Variants in ANXA8 observed in about 807,000 individuals in gnomAD.
ANXA8 encodes annexin A8, also known as VAC-beta.
A neutral mutation model predicts 26.8 loss-of-function variants in ANXA8; 9 were observed. The observed-to-expected ratio is 0.34, with a 90% CI of 0.20 to 0.59. ANXA8 has a LOEUF of 0.59. Among genes scored for constraint, ANXA8 ranks in the 20% least tolerant of loss-of-function variants. ANXA8 has a pLI of 0.84. For missense variants in ANXA8, 83 were observed against 238.5 expected (o/e 0.35, Z 4.29); for synonymous variants, 39 against 94.8 (o/e 0.41, Z 3.42).
the ANXA8 span, among the ~76,000 whole-genome samples, chr10:47,935,773 CAAG>C: frequency 7.4e-6 from 1 of 135,094 alleles, no homozygotes; most frequent in Non-Finnish European, 1.6e-5. Flanking sequence ...TCTGGAAGGC[CAAG>C]AAGGACTTCC....
the ANXA8 span, among the ~76,000 whole-genome samples, chr10:47,680,219 A>T: frequency 1.1e-4 from 16 of 151,914 alleles, no homozygotes; most frequent in Admixed American, 7.2e-4. Flanking sequence ...GTTCTATTGC[A>T]CAGTGGGGTG....
the ANXA8 span, among the ~76,000 whole-genome samples, chr10:47,707,574 A>G: frequency 1.4e-5 from 2 of 139,362 alleles, no homozygotes; most frequent in Non-Finnish European, 3.2e-5. Context: ...TTTTGTAGAG[A>G]CCAGGTTTTG....
At chr10:47,733,147 T>TTC in the ANXA8 span, among the ~76,000 whole-genome samples, 194 of 51,612 alleles carry the variant, frequency 3.8e-3, 2 homozygotes, top group African/African-American at 0.011. Context: ...TCCCTAATCT[T>TTC]TCTTTCTTTC....
the ANXA8 span, among the ~76,000 whole-genome samples, chr10:47,686,390 C>T: frequency 7.9e-5 from 12 of 151,584 alleles, 1 homozygote; most frequent in African/African-American, 1.2e-4. Flanking sequence ...GGCTAATTTT[C>T]GTATTTTTAT....
the ANXA8 span, among the ~76,000 whole-genome samples, chr10:47,509,201 T>C: frequency 7.9e-6 from 1 of 126,190 alleles, no homozygotes; most frequent in African/African-American, 3.4e-5. Context: ...TCAAAATCTT[T>C]GGAACTCAGA....
the ANXA8 span, among the ~76,000 whole-genome samples, chr10:47,656,019 T>G: frequency 1.3e-5 from 2 of 151,770 alleles, no homozygotes; most frequent in African/African-American, 4.9e-5. Flanking sequence ...AAACTCAGTC[T>G]CAAACAAAAA....
chr10:47,687,573 C>A, the ANXA8 span, among the ~76,000 whole-genome samples: 1 of 151,974 alleles, frequency 6.6e-6, no homozygotes, highest in Middle Eastern at 3.4e-3. Flanking sequence ...CCCCAACCAA[C>A]ATTTCAAGAT....
chr10:47,625,924 A>C, the ANXA8 span, among the ~76,000 whole-genome samples: 29 of 150,876 alleles, frequency 1.9e-4, no homozygotes, highest in Admixed American at 1.8e-3. Context: ...GTCTGTTTCT[A>C]TGAGTTTTAC....
At chr10:47,976,334 AG>A in the ANXA8 span, among the ~76,000 whole-genome samples, 3 of 151,038 alleles carry the variant, frequency 2.0e-5, no homozygotes, top group African/African-American at 7.3e-5. Context: ...GCTGAATCTC[AG>A]TAAGAATAGC....
chr10:47,557,815 T>G, the ANXA8 span, among the ~76,000 whole-genome samples: 2 of 150,780 alleles, frequency 1.3e-5, no homozygotes, highest in African/African-American at 4.9e-5. Flanking sequence ...GGCTTTTGTG[T>G]GTTTGCTTTT....
At chr10:47,984,197 CTG>C in the ANXA8 span, among the ~76,000 whole-genome samples, 2 of 72,506 alleles carry the variant, frequency 2.8e-5, no homozygotes, top group Non-Finnish European at 5.7e-5. Flanking sequence ...AACTTAATAA[CTG>C]TGAGAGAGTT....
chr10:47,918,427 AAGAAAG>A, the ANXA8 span, among the ~76,000 whole-genome samples: 1,003 of 34,700 alleles, frequency 0.029, 102 homozygotes, highest in South Asian at 0.051. Context: ...GAAAGAAAGA[AAGAAAG>A]AGAGAGAGAA....
At chr10:47,932,364 G>A in the ANXA8 span, among the ~76,000 whole-genome samples, 1 of 150,930 alleles carries the variant, frequency 6.6e-6, no homozygotes, top group African/African-American at 2.4e-5. Flanking sequence ...CTCAGTAACT[G>A]GGGGAAAATC....
the ANXA8 span, among the ~76,000 whole-genome samples, chr10:47,658,431 T>G: frequency 1.3e-5 from 2 of 150,338 alleles, no homozygotes; most frequent in South Asian, 4.2e-4. Flanking sequence ...GCTTATATTT[T>G]CACATTTACT....
the ANXA8 span, among the ~76,000 whole-genome samples, chr10:47,761,127 C>G: frequency 3.7e-3 from 548 of 149,238 alleles, no homozygotes; most frequent in African/African-American, 0.012. Context: ...CACACACACA[C>G]AGCAGTGGGA....
At chr10:47,660,011 C>A in the ANXA8 span, among the ~76,000 whole-genome samples, 7 of 148,546 alleles carry the variant, frequency 4.7e-5, no homozygotes, top group East Asian at 1.2e-3. Context: ...CCAGCCTCGG[C>A]CTCACAGTGT....
chr10:47,651,133 G>C, the ANXA8 span, among the ~76,000 whole-genome samples: 2 of 151,420 alleles, frequency 1.3e-5, no homozygotes, highest in African/African-American at 2.4e-5. Context: ...CTGTGCCGTC[G>C]AGGCTGCAGT....
chr10:47,610,127 C>CA, the ANXA8 span, among the ~76,000 whole-genome samples: 1 of 144,582 alleles, frequency 6.9e-6, no homozygotes, highest in East Asian at 2.0e-4. Context: ...TAAAACAGAG[C>CA]AAAATTGTTG....
At chr10:47,724,713 C>T in the ANXA8 span, among the ~76,000 whole-genome samples, 1 of 140,892 alleles carries the variant, frequency 7.1e-6, no homozygotes, top group Admixed American at 7.2e-5. Context: ...AATTAATCTT[C>T]TGAAATGTAC....
Sources: gnomAD v4.1 joint callset for allele counts (sites outside exome capture counted in the v4.1 genomes callset) on GRCh38, gnomAD v4.1.1 for gene constraint, MANE v1.5 for transcripts, NCBI Gene and HGNC (gene_info 2026-07-23, HGNC 2026-07-21) for gene names.